Variants in ZNF142 observed in about 807,000 individuals in gnomAD.
ZNF142 encodes the protein zinc finger protein 142, also known as zinc finger protein 142 (clone pHZ-49).
ZNF142 carries 96 observed loss-of-function variants against 132.1 expected under a neutral mutation model. The observed-to-expected ratio is 0.73, with a 90% CI of 0.62 to 0.86. The LOEUF is 0.86. Ranked by LOEUF, ZNF142 falls within the 40% of genes least tolerant of loss-of-function variation. The pLI, the probability that ZNF142 is intolerant of heterozygous loss-of-function variation, is 0.00. For missense variants in ZNF142, 2,163 were observed against 2,336.2 expected (o/e 0.93, Z 1.53); for synonymous variants, 842 against 890.1 (o/e 0.95, Z 0.96).
At chr2:218,648,498 C>T (rs559429353) in intron 7 of ZNF142, 137 bp downstream of exon 7, 1 of 807,668 alleles carries the variant, frequency 1.2e-6, no homozygotes, top group East Asian at 2.7e-5. Context: ...CAACTTAAGG[C>T]TCATTTGTAA....
At chr2:218,651,024 T>C (rs1937939546) in intron 5 of ZNF142, among the ~76,000 whole-genome samples, 1 of 151,076 alleles carries the variant, frequency 6.6e-6, no homozygotes, top group South Asian at 2.1e-4. Flanking sequence ...TCTTACTCTG[T>C]CATCCAGACT....
At chr2:218,649,483 TGA>T (rs772881935) in intron 6 of ZNF142, 24 bp from the exon 7 acceptor site, 2 of 1,514,544 alleles carry the variant, frequency 1.3e-6, no homozygotes, top group Non-Finnish European at 8.9e-7. Flanking sequence ...TACAGAGAGT[TGA>T]GAGAGTGAGA....
At position 218,650,375 on chromosome 2, in the gene ZNF142, C is replaced by A. The variant is rs1937869557; in HGVS notation, c.1032G>T (p.Gly344=). The part of the protein sequence containing the change: ...DSQKAVDKGQ[G]AQRLEGDVVS... ...TGTCATTACCTTCCAGCCGCTGAGC[C>A]CCTTGGCCTTTATCCACAGCCTTTT... Residue 344 remains glycine (G), a synonymous_variant, in exon 6 of 11, where the codon GGG becomes GGT. Coordinates refer to ENST00000411696, the MANE Select transcript of ZNF142 (RefSeq NM_001379659.1). The A allele has an allele frequency of 2.5e-6, 4 of 1,614,180 alleles. No individual in the cohort carries two copies. Among genetic ancestry groups the A allele is most frequent in the Non-Finnish European group, 3.4e-6 (4 of 1,180,036 alleles).
In ZNF142 at chr2:218,633,506, G is replaced by T; in HGVS notation, c.*4833C>A. The T allele has an allele frequency of 7.3e-7, 1 of 1,373,066 alleles. No individual in the cohort carries two copies. 85.1% of individuals were successfully genotyped at this position (1,373,066 alleles called of 1,614,324 possible). On this transcript the variant is annotated 3_prime_UTR_variant, in exon 11 of 11. Transcript: ENST00000411696. Reference sequence around the variant, plus strand: ...GGTGAGGCAGGAGGGAGAATACAGTGGGGAGGCAGTGGGCAGAGGTTTAGG... The same window carrying T: ...GGTGAGGCAGGAGGGAGAATACAGTTGGGAGGCAGTGGGCAGAGGTTTAGG...
chr2:218,656,369 A>G lies in ZNF142; in HGVS notation c.61T>C (p.Cys21Arg), dbSNP rs2106279750. 1 of 1,528,338 alleles carries G rather than the reference A, an allele frequency of 6.5e-7. No homozygotes were observed. The highest frequency in any genetic ancestry group is 2.4e-5 in the East Asian group (1 of 42,102). The allele number at this position is 1,528,338 out of a possible 1,614,324, so 94.7% of individuals were successfully genotyped here. A position where few individuals can be genotyped will look rare whatever the true frequency, so the allele number is the denominator to read the frequency against. Reference sequence around the variant, plus strand: ...GGGGGGATCAGCAATAGCTCAGGGCACAGTCCATCCATCTCCCCGGTGCTA... The same window carrying G: ...GGGGGGATCAGCAATAGCTCAGGGCGCAGTCCATCCATCTCCCCGGTGCTA... ...ASSTGEMDGL[C>R]PELLLIPPPL... The change falls in exon 4 of 11, where the codon TGC becomes CGC. Residue 21 changes from cysteine (C) to arginine (R), a missense_variant. Transcript: ENST00000411696.
At position 218,636,555 on chromosome 2, in the gene ZNF142, G is replaced by A. The variant is rs752944742; in HGVS notation, c.*1784C>T. On this transcript the variant is annotated 3_prime_UTR_variant, in exon 11 of 11. Transcript: ENST00000411696. ...TTTGTGTATATCTGCATCCAGGAAG[G>A]CCTGGAGGGGGATGAGTCCTGAGGT... 1 of 1,613,898 alleles carries A rather than the reference G, an allele frequency of 6.2e-7. No individual in the cohort carries two copies. The highest frequency in any genetic ancestry group is 1.7e-5 in the Admixed American group (1 of 60,008).
chr2:218,649,044 G>A lies in ZNF142; in HGVS notation c.1464C>T (p.Cys488=). Residue 488 remains cysteine, a synonymous_variant, in exon 7 of 11, where the codon TGC becomes TGT. Coordinates refer to ENST00000411696, the MANE Select transcript of ZNF142 (RefSeq NM_001379659.1). ...AAAAEPLPLR[C]FQEGCSYAAP... ...CTGCATAGCTGCAGCCCTCCTGAAA[G>A]CAGCGAAGGGGTAATGGCTCTGCTG... 1.9e-6 allele frequency: 3 copies of A among 1,613,436 alleles called. No homozygotes were observed. Among genetic ancestry groups the A allele is most frequent in the Non-Finnish European group, 2.5e-6 (3 of 1,180,052 alleles).
Position 218,645,072 on chromosome 2 carries a change from G to A in ZNF142, c.2052-8C>T, listed in dbSNP as rs1697618794. On this transcript the variant is annotated splice_region_variant and splice_polypyrimidine_tract_variant and intron_variant, in intron 8 of 10. Coordinates refer to ENST00000411696, the MANE Select transcript of ZNF142 (RefSeq NM_001379659.1). ...CACTGGTTGCACTGATACCTGGCAA[G>A]GAGGGAAAGGGGGAGGCAATCACAA... is the stretch of plus-strand genomic sequence containing the variant. 1 of 1,603,272 alleles carries A rather than the reference G, an allele frequency of 6.2e-7. No individual in the cohort carries two copies. Among genetic ancestry groups the A allele is most frequent in the Non-Finnish European group, 8.5e-7 (1 of 1,172,294 alleles).
Position 218,638,450 on chromosome 2 carries a change from G to A in ZNF142, c.5553C>T (p.Asn1851=). 1 of 1,580,522 alleles carries A rather than the reference G, an allele frequency of 6.3e-7. No homozygotes were observed. Among genetic ancestry groups the A allele is most frequent in the Non-Finnish European group, 8.6e-7 (1 of 1,158,140 alleles). ...TGGTGGGGTCTTTGCCCACACCCTGGTTTGGGTCGGCTTGGTCAGGGTGGT... is the reference window on the plus strand; with the variant it reads ...TGGTGGGGTCTTTGCCCACACCCTGATTTGGGTCGGCTTGGTCAGGGTGGT... ...RRHHPDQADP[N]QGVGKDPTTP... is the part of the protein sequence containing the mutation. Residue 1851 remains asparagine (N), a synonymous_variant, in exon 11 of 11, where the codon AAC becomes AAT. Transcript: ENST00000411696.
intron 3 of ZNF142, among the ~76,000 whole-genome samples, chr2:218,656,815 T>C (rs1478902248): frequency 8.7e-6 from 1 of 115,582 alleles, no homozygotes; most frequent in Non-Finnish European, 1.7e-5. Context: ...ATCTCAGAAG[T>C]CCTTTTTTTT....
chr2:218,653,326 C>A (rs1938191745), intron 4 of ZNF142, among the ~76,000 whole-genome samples: 1 of 151,862 alleles, frequency 6.6e-6, no homozygotes, highest in African/African-American at 2.4e-5. Context: ...ACCTGTAATC[C>A]CAGCATTTTG....
Position 218,638,443 on chromosome 2 carries a change from C to A in ZNF142, c.5560G>T (p.Val1854Leu). The change falls in exon 11 of 11, where the codon GTG becomes TTG. Residue 1854 changes from valine (V) to leucine (L), a missense_variant. Physicochemically the swap from Val to Leu is conservative, Grantham distance 32. This residue lies in a region of ZNF142 where 325 missense variants were observed against 367.8 expected (regional missense o/e 0.88). Coordinates refer to ENST00000411696, the MANE Select transcript of ZNF142 (RefSeq NM_001379659.1). ...HPDQADPNQGVGKDPTTPTVH... is the reference protein window; with the variant it reads ...HPDQADPNQGLGKDPTTPTVH... ...GTGGGGGTGGTGGGGTCTTTGCCCA[C>A]ACCCTGGTTTGGGTCGGCTTGGTCA... 3 of 1,574,794 alleles carry A rather than the reference C, an allele frequency of 1.9e-6. No individual in the cohort carries two copies. The highest frequency in any genetic ancestry group is 2.6e-6 in the Non-Finnish European group (3 of 1,155,154).
At position 218,656,262 on chromosome 2, in the gene ZNF142, TG is replaced by T; in HGVS notation, c.167del (p.Pro56GlnfsTer6). On this transcript the variant is annotated frameshift_variant, in exon 4 of 11. Transcript: ENST00000411696. LOFTEE classifies it high-confidence loss of function. Reference sequence around the variant, plus strand: ...CTGTGGCCTCTACCAGCAGGCAGCCTGGCTCAGTAGGTATAGGTGCAGGGTC... The same window carrying T: ...CTGTGGCCTCTACCAGCAGGCAGCCTGCTCAGTAGGTATAGGTGCAGGGTC... ...SRDPAPIPTEPGCLLVEATAT... is the reference protein window; with the variant it reads ...SRDPAPIPTEXGCLLVEATAT... 6.2e-7 allele frequency: 1 copy of T among 1,613,628 alleles called. No individual in the cohort carries two copies.
In ZNF142 at chr2:218,648,746, G is replaced by C; in HGVS notation, c.1762C>G (p.Gln588Glu). ...GCATGCATCTTGCCTACATGATCCT[G>C]GTAAGCCACTGGGTTGAAGGTGGCA... ...PFATFNPVAY[Q>E]DHVGKMHAHE... is the part of the protein sequence containing the mutation. Residue 588 changes from glutamine to glutamate, a missense_variant, in exon 7 of 11, where the codon CAG becomes GAG. Gln to Glu is a conservative substitution (Grantham distance 29). This residue lies in a region of ZNF142 where 749 missense variants were observed against 830.3 expected (regional missense o/e 0.90). Transcript: ENST00000411696. 6.2e-7 allele frequency: 1 copy of C among 1,614,236 alleles called. No individual in the cohort carries two copies. The highest frequency in any genetic ancestry group is 8.5e-7 in the Non-Finnish European group (1 of 1,180,036).
In ZNF142 at chr2:218,644,948, C is replaced by T. The variant is rs550901944; in HGVS notation, c.2168G>A (p.Arg723Gln). 8 of 1,614,152 alleles carry T rather than the reference C, an allele frequency of 5.0e-6. No homozygotes were observed. Among genetic ancestry groups the T allele is most frequent in the African/African-American group, 2.7e-5 (2 of 75,036 alleles). ...CATGTGCTTCTGCAGCTCATACTTC[C>T]GCTTGCAGGCGAAGGCACACACCTC... ...MCEVCAFACK[R>Q]KYELQKHMAS... is the part of the protein sequence containing the mutation. The change falls in exon 9 of 11, where the codon CGG (arginine) becomes CAG (glutamine). Residue 723 changes from arginine to glutamine, a missense_variant. Physicochemically the swap from Arg to Gln is conservative, Grantham distance 43. Around this residue, in one of 7 missense-constraint regions of ZNF142, gnomAD observed 749 missense variants for 830.3 expected, o/e 0.90. Transcript: ENST00000411696. The surrounding 1 kb of genome is among the most constrained non-coding windows in gnomAD (Gnocchi z 4.6).
intron 4 of ZNF142, among the ~76,000 whole-genome samples, chr2:218,654,179 C>T (rs1173724333): frequency 2.0e-5 from 3 of 152,096 alleles, no homozygotes; most frequent in Non-Finnish European, 4.4e-5. Flanking sequence ...ACTGTAATTC[C>T]GGTGTCTTTG....
intron 10 of ZNF142, among the ~76,000 whole-genome samples, chr2:218,639,596 G>A (rs1696995427): frequency 6.6e-6 from 1 of 152,044 alleles, no homozygotes; most frequent in Non-Finnish European, 1.5e-5. Context: ...GGTGGGCGTG[G>A]TGGCGTGCAC....
In ZNF142 at chr2:218,633,976, GCA is replaced by G; in HGVS notation, c.*4361_*4362del. On this transcript the variant is annotated 3_prime_UTR_variant, in exon 11 of 11. Coordinates refer to ENST00000411696, the MANE Select transcript of ZNF142 (RefSeq NM_001379659.1). ...TGGTCTGGATGGACAGAGTAGAGAG[GCA>G]CAGTGAAACTTTCTGGAGCCAGCTT... 7.5e-7 allele frequency: 1 copy of G among 1,331,810 alleles called. No homozygotes were observed. The highest frequency in any genetic ancestry group is 1.4e-5 in the South Asian group (1 of 71,218). 82.5% of individuals were successfully genotyped at this position (1,331,810 alleles called of 1,614,324 possible).
chr2:218,636,623 G>T lies in ZNF142; in HGVS notation c.*1716C>A. 2 of 1,566,548 alleles carry T rather than the reference G, an allele frequency of 1.3e-6. No homozygotes were observed. The highest frequency in any genetic ancestry group is 2.2e-5 in the South Asian group (2 of 89,076). On this transcript the variant is annotated 3_prime_UTR_variant, in exon 11 of 11. Coordinates refer to ENST00000411696, the MANE Select transcript of ZNF142 (RefSeq NM_001379659.1). Reference sequence around the variant, plus strand: ...GGTTGGTGTGCTGGCTTTAGACGGGGAGAAACATCTGGAAGGATGCTCGAG... The same window carrying T: ...GGTTGGTGTGCTGGCTTTAGACGGGTAGAAACATCTGGAAGGATGCTCGAG...
Sources: gnomAD v4.1 joint callset for allele counts (sites outside exome capture counted in the v4.1 genomes callset) on GRCh38, gnomAD v4.1.1 for gene constraint, gnomAD v4.1.1 regional missense constraint, Gnocchi (gnomAD v3.1) non-coding constraint, MANE v1.5 for transcripts, NCBI Gene and HGNC (gene_info 2026-07-23, HGNC 2026-07-21) for gene names.